Variants in TTC28 observed in about 807,000 individuals in gnomAD.
The protein encoded by TTC28 is tetratricopeptide repeat domain 28.
In TTC28, 61 loss-of-function variants were observed where a neutral mutation model predicts 198.0. The ratio of observed to expected loss-of-function variants is 0.31; its 90% CI spans 0.25 to 0.38. The LOEUF (loss-of-function observed/expected upper bound fraction) is 0.38, where lower values mean the gene tolerates loss of function less well. Among genes scored for constraint, TTC28 ranks in the 10% least tolerant of loss-of-function variants. The pLI is 1.00. For missense variants in TTC28, 2,678 were observed against 3,164.0 expected (o/e 0.85, Z 3.69); for synonymous variants, 1,171 against 1,297.8 (o/e 0.90, Z 2.10).
chr22:28,316,956 T>G (rs924979534), intron 2 of TTC28, among the ~76,000 whole-genome samples: 5 of 152,066 alleles, frequency 3.3e-5, no homozygotes, highest in South Asian at 2.1e-4. Context: ...TCTTTTTTTT[T>G]AGAGAGAGGA....
chr22:28,390,374 C>T (rs916599898), intron 2 of TTC28, among the ~76,000 whole-genome samples: 68 of 152,170 alleles, frequency 4.5e-4, no homozygotes, highest in Non-Finnish European at 8.2e-4. Context: ...TGGTGCAGAG[C>T]TGAGTTCAAT....
At chr22:28,612,161 A>G (rs1293571718) in intron 2 of TTC28, among the ~76,000 whole-genome samples, 2 of 152,186 alleles carry the variant, frequency 1.3e-5, no homozygotes, top group Admixed American at 6.5e-5. Context: ...AGCAAAAAAA[A>G]GCAGGGGTTG....
intron 2 of TTC28, among the ~76,000 whole-genome samples, chr22:28,566,332 C>G (rs1601573393): frequency 1.3e-5 from 2 of 152,080 alleles, no homozygotes; most frequent in East Asian, 3.9e-4. Flanking sequence ...CATACTGAGG[C>G]ACAGTGGAGG....
chr22:28,579,140 A>ATG (rs1461474139), intron 2 of TTC28, among the ~76,000 whole-genome samples: 2 of 150,728 alleles, frequency 1.3e-5, no homozygotes, highest in African/African-American at 4.9e-5. Context: ...ATAGCCATAT[A>ATG]TGTATATAGC....
intron 13 of TTC28, among the ~76,000 whole-genome samples, chr22:28,026,029 A>G (rs7286519): frequency 0.08 from 12,114 of 151,918 alleles, 519 homozygotes; most frequent in South Asian, 0.091. Context: ...TCTTCCCCGC[A>G]CCTTTAGGAA....
At chr22:28,220,362 G>C (rs1569206340) in intron 5 of TTC28, among the ~76,000 whole-genome samples, 1 of 152,206 alleles carries the variant, frequency 6.6e-6, no homozygotes, top group East Asian at 1.9e-4. Context: ...AAGGAGTCCA[G>C]GCATAGCTTC....
intron 2 of TTC28, among the ~76,000 whole-genome samples, chr22:28,516,325 C>A (rs1242321115): frequency 6.6e-6 from 1 of 152,038 alleles, no homozygotes; most frequent in Non-Finnish European, 1.5e-5. Context: ...AAAACAAAAT[C>A]TATCTAAAAA....
At chr22:28,618,569 C>A (rs2050939714) in intron 2 of TTC28, among the ~76,000 whole-genome samples, 2 of 150,130 alleles carry the variant, frequency 1.3e-5, no homozygotes, top group African/African-American at 4.9e-5. Context: ...GTAATCCCAG[C>A]TACTGGGGAG....
At chr22:27,990,211 C>T (rs1022178522) in intron 20 of TTC28, 3 of 653,654 alleles carry the variant, frequency 4.6e-6, no homozygotes, top group African/African-American at 3.7e-5. Context: ...GGCATTGGGG[C>T]AAGAGGCTGT....
At chr22:28,401,696 C>T (rs2046910925) in intron 2 of TTC28, among the ~76,000 whole-genome samples, 1 of 152,224 alleles carries the variant, frequency 6.6e-6, no homozygotes, top group African/African-American at 2.4e-5. Context: ...GAGACTGAGA[C>T]AAGATGATTG....
intron 19 of TTC28, among the ~76,000 whole-genome samples, chr22:27,991,778 G>C (rs1937419156): frequency 6.6e-6 from 1 of 152,194 alleles, no homozygotes; most frequent in South Asian, 2.1e-4. Context: ...TGCAGCATGG[G>C]TACTGAGAAG....
intron 12 of TTC28, among the ~76,000 whole-genome samples, chr22:28,087,494 T>A (rs1338561613): frequency 6.6e-6 from 1 of 152,122 alleles, no homozygotes; most frequent in Non-Finnish European, 1.5e-5. Context: ...ATAAATTAGG[T>A]ATTGATGGGA....
intron 2 of TTC28, among the ~76,000 whole-genome samples, chr22:28,556,868 T>C (rs527679271): frequency 1.3e-5 from 2 of 152,216 alleles, no homozygotes; most frequent in African/African-American, 2.4e-5. Context: ...TCTTCTCCAG[T>C]AGGGCTTTTC....
At chr22:28,077,913 T>C (rs1191749098) in intron 12 of TTC28, among the ~76,000 whole-genome samples, 1 of 152,164 alleles carries the variant, frequency 6.6e-6, no homozygotes, top group African/African-American at 2.4e-5. Context: ...CAGTCTTAGA[T>C]TCCCTAAAGT....
chr22:28,352,633 C>T (rs2046017207), intron 2 of TTC28, among the ~76,000 whole-genome samples: 1 of 152,146 alleles, frequency 6.6e-6, no homozygotes, highest in South Asian at 2.1e-4. Flanking sequence ...CTGATACCCC[C>T]TCAGCAAGAG....
At chr22:28,676,881 C>A (rs1360817399) in intron 1 of TTC28, among the ~76,000 whole-genome samples, 4 of 151,900 alleles carry the variant, frequency 2.6e-5, no homozygotes, top group Non-Finnish European at 4.4e-5. Context: ...TTAGGCCAGG[C>A]GCAGTGGCTC....
chr22:28,105,896 C>T lies in TTC28; in HGVS notation c.2784-94G>A, dbSNP rs547179083. The T allele has an allele frequency of 1.2e-5, 17 of 1,391,506 alleles. No individual in the cohort carries two copies. In the East Asian group the frequency reaches 4.0e-4, roughly 33 times the overall value. 86.2% of individuals were successfully genotyped at this position (1,391,506 alleles called of 1,614,324 possible). A position where few individuals can be genotyped will look rare whatever the true frequency, so the allele number is the denominator to read the frequency against. ...GAAAATGAAAAGCATTTGTCACTGT[C>T]ACTTACTATAGAAGCTCTTAACTCC... On this transcript the variant is annotated intron_variant, in intron 7 of 22. Transcript: ENST00000397906.
chr22:28,025,969 G>C (rs565735164), intron 13 of TTC28, among the ~76,000 whole-genome samples: 2 of 152,298 alleles, frequency 1.3e-5, no homozygotes, highest in South Asian at 4.2e-4. Flanking sequence ...TGGCCTTGTG[G>C]AGATGGCTCT....
intron 2 of TTC28, among the ~76,000 whole-genome samples, chr22:28,478,337 A>C (rs925290507): frequency 6.6e-6 from 1 of 151,818 alleles, no homozygotes; most frequent in Admixed American, 6.6e-5. Context: ...GCGAAACCCC[A>C]CCTCTACTAA....
Sources: gnomAD v4.1 joint callset for allele counts (sites outside exome capture counted in the v4.1 genomes callset) on GRCh38, gnomAD v4.1.1 for gene constraint, MANE v1.5 for transcripts, NCBI Gene and HGNC (gene_info 2026-07-23, HGNC 2026-07-21) for gene names.